Variants in CPD observed in about 807,000 individuals in gnomAD.
CPD encodes the protein metallocarboxypeptidase D.
Under a neutral mutation model 138.3 loss-of-function variants are expected in CPD, and 69 were observed. The ratio of observed to expected loss-of-function variants is 0.50; its 90% CI spans 0.41 to 0.61. The LOEUF is 0.61. Ranked by LOEUF, CPD falls within the 20% of genes least tolerant of loss-of-function variation. The pLI, the probability that CPD is intolerant of heterozygous loss-of-function variation, is 0.00. For synonymous variants in CPD, 651 were observed against 642.1 expected, an observed-to-expected ratio of 1.01 and a Z score of -0.21; for missense variants, 1,432 against 1,733.3, an observed-to-expected ratio of 0.83 and a Z score of 3.09.
chr17:30,398,527 A>G (rs1911568971), intron 2 of CPD, among the ~76,000 whole-genome samples: 1 of 152,186 alleles, frequency 6.6e-6, no homozygotes, highest in South Asian at 2.1e-4. Flanking sequence ...TGCAGCTGTT[A>G]TTAATGTCAG....
chr17:30,438,979 A>ATT lies in CPD; in HGVS notation c.2133_2134dup (p.Ser712PhefsTer23). 1 of 1,543,318 alleles carries ATT rather than the reference A, an allele frequency of 6.5e-7. No homozygotes were observed. ...AGATTCTTTTTGTTTTTCCAGGAAA[A>ATT]TTCCCAGATGTTTCAAGGTAGACCT... On this transcript the variant is annotated frameshift_variant, in exon 9 of 21. Coordinates refer to ENST00000225719, the MANE Select transcript of CPD (RefSeq NM_001304.5). LOFTEE classifies it high-confidence loss of function.
At chr17:30,444,109 C>T in intron 11 of CPD, 138 bp downstream of exon 11, 1 of 721,664 alleles carries the variant, frequency 1.4e-6, no homozygotes, top group South Asian at 2.6e-5. Context: ...GCTGGTTATA[C>T]CTTTGACTCT....
intron 2 of CPD, among the ~76,000 whole-genome samples, chr17:30,386,726 G>C (rs1366837134): frequency 6.6e-6 from 1 of 151,976 alleles, no homozygotes; most frequent in African/African-American, 2.4e-5. Flanking sequence ...TTTGCATCAG[G>C]CTTATTTTTC....
chr17:30,460,822 A>T (rs777901161), intron 17 of CPD, among the ~76,000 whole-genome samples: 1 of 152,152 alleles, frequency 6.6e-6, no homozygotes, highest in Non-Finnish European at 1.5e-5. Flanking sequence ...CTTCAAGTAC[A>T]ACTGTGACAT....
At chr17:30,380,333 G>A (rs1911007134) in intron 1 of CPD, 2 of 341,954 alleles carry the variant, frequency 5.8e-6, no homozygotes, top group African/African-American at 4.3e-5. Flanking sequence ...GATATTCCCA[G>A]GATCTTCCCC....
intron 8 of CPD, among the ~76,000 whole-genome samples, chr17:30,432,252 C>T (rs1346008214): frequency 6.6e-6 from 1 of 152,188 alleles, no homozygotes; most frequent in Non-Finnish European, 1.5e-5. Context: ...TATTGACACA[C>T]AGCCACAGCT....
rs572168849 is a variant in CPD at position 30,427,577 on chromosome 17, C to G, written c.2017+19C>G. On this transcript the variant is annotated intron_variant, in intron 7 of 20. Transcript: ENST00000225719. ...CATGGAGGTATGGCAACTTTATATT[C>G]TACTAATCAGTTCTTGTTGAGAGCA... 5 of 1,607,160 alleles carry G rather than the reference C, an allele frequency of 3.1e-6. No individual in the cohort carries two copies. The East Asian group carries it at 1.1e-4, about 36-fold the overall frequency.
intron 1 of CPD, chr17:30,380,330 C>A: frequency 3.1e-6 from 1 of 327,462 alleles, no homozygotes; most frequent in Non-Finnish European, 4.8e-6. Flanking sequence ...GATGATATTC[C>A]CAGGATCTTC....
At chr17:30,389,326 T>C (rs1328820873) in intron 2 of CPD, among the ~76,000 whole-genome samples, 1 of 152,238 alleles carries the variant, frequency 6.6e-6, no homozygotes, top group Non-Finnish European at 1.5e-5. Context: ...TGACATACTA[T>C]TTAGAAGTGA....
chr17:30,398,501 T>A (rs1237997360), intron 2 of CPD, among the ~76,000 whole-genome samples: 1 of 152,182 alleles, frequency 6.6e-6, no homozygotes, highest in African/African-American at 2.4e-5. Flanking sequence ...ATATATTAAC[T>A]GAATCTGGCA....
In CPD at chr17:30,423,560, G is replaced by A; in HGVS notation, c.1712G>A (p.Arg571Lys). 6.2e-7 allele frequency: 1 copy of A among 1,609,540 alleles called. No homozygotes were observed. ...ATGCATGGAAATGAAGTGGTTGGAA[G>A]AGAACTGCTGTTGAACCTCATAGAA... ...GNMHGNEVVGRELLLNLIEYL... is the reference protein window; with the variant it reads ...GNMHGNEVVGKELLLNLIEYL... The change falls in exon 6 of 21, where the codon AGA becomes AAA. Residue 571 changes from arginine (R) to lysine (K), a missense_variant. By Grantham distance (26) the Arg-to-Lys change is conservative. Coordinates refer to ENST00000225719, the MANE Select transcript of CPD (RefSeq NM_001304.5).
chr17:30,418,439 A>G (rs1033622214), intron 2 of CPD, among the ~76,000 whole-genome samples: 3 of 152,048 alleles, frequency 2.0e-5, no homozygotes, highest in South Asian at 4.1e-4. Flanking sequence ...CAGGCTTCCA[A>G]AATATTTATT....
At chr17:30,389,049 C>T (rs2143314590) in intron 2 of CPD, among the ~76,000 whole-genome samples, 1 of 152,352 alleles carries the variant, frequency 6.6e-6, no homozygotes, top group African/African-American at 2.4e-5. Context: ...CGAAGCACAG[C>T]CCCAGCTCCG....
At chr17:30,425,520 G>A (rs1443136723) in intron 6 of CPD, among the ~76,000 whole-genome samples, 2 of 151,992 alleles carry the variant, frequency 1.3e-5, no homozygotes, top group African/African-American at 2.4e-5. Context: ...GCTGGACGTG[G>A]TGGTGCACAC....
intron 8 of CPD, among the ~76,000 whole-genome samples, chr17:30,437,562 A>G (rs956063055): frequency 2.6e-5 from 4 of 151,974 alleles, no homozygotes; most frequent in East Asian, 1.9e-4. Context: ...GTGCATGCCT[A>G]TAGTCCCAGC....
In CPD at chr17:30,464,541, T is replaced by C. The variant is rs749393985; in HGVS notation, c.3917-47T>C. The C allele has an allele frequency of 2.0e-6, 3 of 1,494,564 alleles. No individual in the cohort carries two copies. In the East Asian group the frequency reaches 6.8e-5, roughly 34 times the overall value. 92.6% of individuals were successfully genotyped at this position (1,494,564 alleles called of 1,614,324 possible). A position where few individuals can be genotyped will look rare whatever the true frequency, so the allele number is the denominator to read the frequency against. The stretch of plus-strand genomic sequence containing the variant: ...TCCATTGTAAGCGGCTGCTTATTAA[T>C]ATCCTTAAAGTATAATATCACCCAC... On this transcript the variant is annotated intron_variant, in intron 20 of 20. Transcript: ENST00000225719.
chr17:30,462,138 G>T, intron 19 of CPD, 76 bp downstream of exon 19: 1 of 1,335,466 alleles, frequency 7.5e-7, no homozygotes, highest in Non-Finnish European at 1.0e-6. Flanking sequence ...TGAAACTCTT[G>T]TTAGAAATCT....
chr17:30,402,694 T>C (rs780304498), intron 2 of CPD, among the ~76,000 whole-genome samples: 2 of 152,244 alleles, frequency 1.3e-5, no homozygotes, highest in Non-Finnish European at 2.9e-5. Flanking sequence ...TGACTTTTTT[T>C]CTTTATAATA....
chr17:30,443,959 C>T lies in CPD; in HGVS notation c.2531C>T (p.Ala844Val), dbSNP rs1440248277. ...LLVPGTYKIT[A>V]SARGYNPVTK... ...GTTCCAGGAACTTATAAAATCACAGCATCTGCTCGAGGGTGAGTGACTGAA... is the reference window on the plus strand; with the variant it reads ...GTTCCAGGAACTTATAAAATCACAGTATCTGCTCGAGGGTGAGTGACTGAA... Residue 844 changes from alanine to valine, a missense_variant, in exon 11 of 21, where the codon GCA becomes GTA. Ala to Val is a moderately conservative substitution (Grantham distance 64). Around this residue, in one of 6 missense-constraint regions of CPD, gnomAD observed 297 missense variants for 405.3 expected, o/e 0.73. Coordinates refer to ENST00000225719, the MANE Select transcript of CPD (RefSeq NM_001304.5). The T allele has an allele frequency of 2.5e-6, 4 of 1,613,754 alleles. No individual in the cohort carries two copies. The highest frequency in any genetic ancestry group is 3.4e-6 in the Non-Finnish European group (4 of 1,179,768).
Sources: gnomAD v4.1 joint callset for allele counts (sites outside exome capture counted in the v4.1 genomes callset) on GRCh38, gnomAD v4.1.1 for gene constraint, gnomAD v4.1.1 regional missense constraint, MANE v1.5 for transcripts, NCBI Gene and HGNC (gene_info 2026-07-23, HGNC 2026-07-21) for gene names.